Variants in PPP3CA observed in about 807,000 individuals in gnomAD.
PPP3CA encodes the protein CAM-PRP catalytic subunit.
In PPP3CA, 14 loss-of-function variants were observed where a neutral mutation model predicts 66.5. That is an observed-to-expected ratio of 0.21 (90% confidence interval 0.14 to 0.33). The LOEUF (loss-of-function observed/expected upper bound fraction) is 0.33, where lower values mean the gene tolerates loss of function less well. PPP3CA is among the 10% of genes least tolerant of loss of function. The probability of loss-of-function intolerance (pLI) is 1.00; values close to 1 mark genes in which losing one functional copy is unlikely to be tolerated. For missense variants in PPP3CA, 317 were observed against 639.5 expected, an observed-to-expected ratio of 0.50 and a Z score of 5.44; for synonymous variants, 232 against 226.2, an observed-to-expected ratio of 1.03 and a Z score of -0.23.
At chr4:101,044,650 C>T (rs1355256847) in intron 10 of PPP3CA, among the ~76,000 whole-genome samples, 2 of 152,052 alleles carry the variant, frequency 1.3e-5, no homozygotes, top group Non-Finnish European at 2.9e-5. Context: ...CCTCTCCTTT[C>T]ACCTTTTTAA....
intron 12 of PPP3CA, among the ~76,000 whole-genome samples, chr4:101,030,518 C>T (rs922543103): frequency 6.6e-6 from 1 of 152,074 alleles, no homozygotes; most frequent in African/African-American, 2.4e-5. Flanking sequence ...AAGGTTCCAA[C>T]CCATATGTCT....
intron 8 of PPP3CA, among the ~76,000 whole-genome samples, chr4:101,064,766 G>A (rs1728611095): frequency 6.6e-6 from 1 of 151,984 alleles, no homozygotes; most frequent in Admixed American, 6.6e-5. Context: ...GTTAAAATGT[G>A]GCCCAGAAGT....
chr4:101,243,373 C>T lies in PPP3CA; in HGVS notation c.59-47257G>A, dbSNP rs141457607. ...ATAAAAGCATTAGGCTAAGAAACAGCACAGGGAGTTACAGACTGGGGCTGT... is the reference window on the plus strand; with the variant it reads ...ATAAAAGCATTAGGCTAAGAAACAGTACAGGGAGTTACAGACTGGGGCTGT... On this transcript the variant is annotated intron_variant, in intron 1 of 13. Coordinates refer to ENST00000394854, the MANE Select transcript of PPP3CA (RefSeq NM_000944.5). 1.9e-3 allele frequency among the ~76,000 whole-genome samples: 287 copies of T among 152,180 alleles called. 2 individuals carry two copies. Among genetic ancestry groups the T allele is most frequent in the African/African-American group, 6.4e-3 (266 of 41,524 alleles).
chr4:101,225,463 T>C (rs1305344111), intron 1 of PPP3CA, among the ~76,000 whole-genome samples: 1 of 151,872 alleles, frequency 6.6e-6, no homozygotes, highest in African/African-American at 2.4e-5. Flanking sequence ...AAGCCTTGGT[T>C]ACCAAGAGAT....
intron 4 of PPP3CA, 24 bp downstream of exon 4, chr4:101,099,587 G>A (rs1730351758): frequency 7.2e-7 from 1 of 1,392,958 alleles, no homozygotes; most frequent in Non-Finnish European, 1.0e-6. Context: ...TAGTGTTAAA[G>A]GAAGGAGGTT....
chr4:101,027,474 C>T lies in PPP3CA; in HGVS notation c.1370-1413G>A, dbSNP rs140538414. Among the ~76,000 whole-genome samples, 43 of 152,108 alleles carry T rather than the reference C, an allele frequency of 2.8e-4. No individual in the cohort carries two copies. In the East Asian group the frequency reaches 6.2e-3, roughly 22 times the overall value. On this transcript the variant is annotated intron_variant, in intron 13 of 13. Transcript: ENST00000394854. ...AGTCAACTGTGAGAGGAATAAGATG[C>T]GAAAATGGGGAAAGACCAAGGCCCA...
intron 5 of PPP3CA, among the ~76,000 whole-genome samples, chr4:101,095,039 A>G (rs975985296): frequency 2.0e-5 from 3 of 151,878 alleles, no homozygotes; most frequent in Admixed American, 6.6e-5. Context: ...ACTACTTTTT[A>G]TTAGTATCTA....
intron 1 of PPP3CA, among the ~76,000 whole-genome samples, chr4:101,250,058 T>A (rs1726624395): frequency 6.6e-6 from 1 of 152,216 alleles, no homozygotes. Context: ...TATTCAATGT[T>A]ATTTAATAAA....
intron 3 of PPP3CA, among the ~76,000 whole-genome samples, chr4:101,102,076 C>G (rs778319916): frequency 2.0e-5 from 3 of 152,062 alleles, no homozygotes; most frequent in Non-Finnish European, 4.4e-5. Context: ...TATAAATGCA[C>G]GATGCTAAAT....
chr4:101,299,640 C>T (rs1218987924), intron 1 of PPP3CA, among the ~76,000 whole-genome samples: 1 of 151,904 alleles, frequency 6.6e-6, no homozygotes, highest in Admixed American at 6.6e-5. Context: ...TATTACATAC[C>T]AGAATTTTAC....
In PPP3CA at chr4:101,024,672, CTTA is replaced by C. The variant is rs568726594; in HGVS notation, c.*1190_*1192del. Reference sequence around the variant, plus strand: ...TTAGAGTTTCACATGTAACTACAAACTTATTATAATTTCACAAGGTTTGCTAAA... The same window carrying C: ...TTAGAGTTTCACATGTAACTACAAACTTATAATTTCACAAGGTTTGCTAAA... On this transcript the variant is annotated 3_prime_UTR_variant, in exon 14 of 14. Transcript: ENST00000394854. 2.6e-5 allele frequency: 4 copies of C among 152,714 alleles called. No individual in the cohort carries two copies. The East Asian group carries it at 5.8e-4, about 22-fold the overall frequency. The allele number at this position is 152,714 out of a possible 1,614,324, so 9.5% of individuals were successfully genotyped here.
intron 11 of PPP3CA, among the ~76,000 whole-genome samples, chr4:101,034,230 C>A (rs987097101): frequency 6.6e-6 from 1 of 152,134 alleles, no homozygotes; most frequent in African/African-American, 2.4e-5. Flanking sequence ...CACTGAGGGG[C>A]GCTGCACTTT....
intron 2 of PPP3CA, among the ~76,000 whole-genome samples, chr4:101,195,713 C>T (rs117633071): frequency 1.9e-3 from 288 of 152,226 alleles, no homozygotes; most frequent in East Asian, 0.014. Flanking sequence ...CTTTTTAGAG[C>T]ATTGCAATCT....
chr4:101,313,181 C>A (rs1000824443), intron 1 of PPP3CA, among the ~76,000 whole-genome samples: 4 of 151,820 alleles, frequency 2.6e-5, no homozygotes, highest in African/African-American at 9.7e-5. Flanking sequence ...AAACTGAGTT[C>A]TTGAAGGGTC....
At chr4:101,245,806 AT>A (rs138947496) in intron 1 of PPP3CA, among the ~76,000 whole-genome samples, 1,767 of 152,130 alleles carry the variant, frequency 0.012, 25 homozygotes, top group African/African-American at 0.04. Context: ...CACTGTGTAT[AT>A]TAACACACTT....
intron 1 of PPP3CA, among the ~76,000 whole-genome samples, chr4:101,323,980 G>A (rs938890214): frequency 6.6e-6 from 1 of 152,148 alleles, no homozygotes; most frequent in Non-Finnish European, 1.5e-5. Flanking sequence ...AGGAGTGGTG[G>A]CACACACTTG....
intron 1 of PPP3CA, among the ~76,000 whole-genome samples, chr4:101,305,734 A>C (rs1459796603): frequency 6.6e-6 from 1 of 152,204 alleles, no homozygotes; most frequent in Non-Finnish European, 1.5e-5. Flanking sequence ...CATTTGTCAC[A>C]ATCTTCCTAT....
intron 2 of PPP3CA, among the ~76,000 whole-genome samples, chr4:101,151,715 G>A (rs1418253010): frequency 7.7e-6 from 1 of 130,470 alleles, no homozygotes; most frequent in Non-Finnish European, 1.6e-5. Context: ...GGAGTGCAGT[G>A]GCGCAATCTC....
intron 1 of PPP3CA, among the ~76,000 whole-genome samples, chr4:101,327,863 A>G (rs958330758): frequency 1.8e-4 from 28 of 152,220 alleles, no homozygotes; most frequent in Admixed American, 1.7e-3. Context: ...AACTGTCAAC[A>G]AAACACTCTA....
Sources: gnomAD v4.1 joint callset for allele counts (sites outside exome capture counted in the v4.1 genomes callset) on GRCh38, gnomAD v4.1.1 for gene constraint, MANE v1.5 for transcripts, NCBI Gene and HGNC (gene_info 2026-07-23, HGNC 2026-07-21) for gene names.